The following CPED1 variants were observed in gnomAD, a reference collection of about 807,000 sequenced individuals.
The protein encoded by CPED1 is cadherin like and PC-esterase domain containing 1, also known as cadherin-like and PC-esterase domain-containing protein 1.
A neutral mutation model predicts 128.2 loss-of-function variants in CPED1; 114 were observed. The ratio of observed to expected loss-of-function variants is 0.89; its 90% CI spans 0.76 to 1.04. CPED1 has a LOEUF of 1.04. Ranked by LOEUF, CPED1 falls within the 50% of genes least tolerant of loss-of-function variation. CPED1 has a pLI of 0.00. For synonymous variants in CPED1, 462 were observed against 426.7 expected (o/e 1.08, Z -1.02); for missense variants, 1,211 against 1,207.1 (o/e 1.00, Z -0.05).
At chr7:121,081,702 T>C (rs972358386) in intron 5 of CPED1, among the ~76,000 whole-genome samples, 2 of 152,186 alleles carry the variant, frequency 1.3e-5, no homozygotes, top group Admixed American at 6.6e-5. Context: ...TAAGTGCAAC[T>C]TAGAGATTGA....
At chr7:121,104,844 C>A (rs1008979831) in intron 7 of CPED1, among the ~76,000 whole-genome samples, 1 of 152,190 alleles carries the variant, frequency 6.6e-6, no homozygotes, top group South Asian at 2.1e-4. Context: ...CTGCTATAAG[C>A]CAGCCACTCT....
chr7:121,201,923 A>G (rs143615334), intron 16 of CPED1, among the ~76,000 whole-genome samples: 12 of 152,258 alleles, frequency 7.9e-5, no homozygotes, highest in African/African-American at 2.9e-4. Context: ...TTAATGTTAG[A>G]TGAAACAAAT....
intron 16 of CPED1, among the ~76,000 whole-genome samples, chr7:121,165,635 G>T (rs1377617172): frequency 6.6e-6 from 1 of 152,028 alleles, no homozygotes; most frequent in African/African-American, 2.4e-5. Context: ...AATATTTAGA[G>T]ACCTCATCAG....
chr7:121,012,647 G>A (rs927177596), intron 2 of CPED1, among the ~76,000 whole-genome samples: 2 of 152,176 alleles, frequency 1.3e-5, no homozygotes, highest in African/African-American at 4.8e-5. Context: ...AACTGTTCTT[G>A]CCCTTTGGTA....
chr7:121,273,508 G>A lies in CPED1; in HGVS notation c.2868+2078G>A, dbSNP rs559600419. 9.7e-4 allele frequency among the ~76,000 whole-genome samples: 147 copies of A among 151,102 alleles called. 1 individual carries two copies. Among genetic ancestry groups the A allele is most frequent in the African/African-American group, 3.4e-3 (141 of 41,144 alleles). The stretch of plus-strand genomic sequence containing the variant: ...ACTGCACTCCAGCCTGGGTGACACA[G>A]CAAGACTCCATCTCAAAGAAAAAAA... On this transcript the variant is annotated intron_variant, in intron 22 of 22. Transcript: ENST00000310396.
chr7:121,121,807 A>G (rs1278358681), intron 7 of CPED1, among the ~76,000 whole-genome samples: 1 of 152,220 alleles, frequency 6.6e-6, no homozygotes, highest in African/African-American at 2.4e-5. Flanking sequence ...AAATAATTTC[A>G]GATTTGTCAT....
At chr7:120,998,203 T>C (rs1382576672) in intron 2 of CPED1, among the ~76,000 whole-genome samples, 2 of 152,204 alleles carry the variant, frequency 1.3e-5, no homozygotes, top group East Asian at 3.9e-4. Flanking sequence ...TTACGAGATT[T>C]AGTAAGCAAG....
At chr7:121,020,493 A>T (rs977144549) in intron 3 of CPED1, among the ~76,000 whole-genome samples, 12 of 151,968 alleles carry the variant, frequency 7.9e-5, no homozygotes, top group African/African-American at 2.9e-4. Flanking sequence ...TACAGAAAAA[A>T]GTTTCCTGGC....
At chr7:121,254,156 T>G (rs1181536543) in intron 18 of CPED1, among the ~76,000 whole-genome samples, 1 of 152,004 alleles carries the variant, frequency 6.6e-6, no homozygotes. Context: ...AATACATGCT[T>G]GAACATAAAG....
At chr7:121,166,633 CAA>C (rs1424030627) in intron 16 of CPED1, among the ~76,000 whole-genome samples, 1 of 152,026 alleles carries the variant, frequency 6.6e-6, no homozygotes, top group East Asian at 1.9e-4. Context: ...TGCCAGTTCC[CAA>C]AGGATATTTA....
chr7:121,179,366 A>G (rs894692630), intron 16 of CPED1, among the ~76,000 whole-genome samples: 1 of 152,092 alleles, frequency 6.6e-6, no homozygotes, highest in Non-Finnish European at 1.5e-5. Flanking sequence ...AAAGCATGTC[A>G]GGAAGTATCC....
intron 7 of CPED1, among the ~76,000 whole-genome samples, chr7:121,112,232 C>T (rs1795129466): frequency 6.6e-6 from 1 of 152,154 alleles, no homozygotes; most frequent in African/African-American, 2.4e-5. Context: ...ATCCTTACCT[C>T]CAGAACCAGT....
intron 12 of CPED1, among the ~76,000 whole-genome samples, chr7:121,132,617 T>C (rs1795698640): frequency 6.6e-6 from 1 of 152,112 alleles, no homozygotes; most frequent in African/African-American, 2.4e-5. Context: ...ATCAATGTGG[T>C]GCACCATGTG....
chr7:121,237,880 T>A (rs1009402109), intron 17 of CPED1, among the ~76,000 whole-genome samples: 3 of 152,094 alleles, frequency 2.0e-5, no homozygotes, highest in African/African-American at 7.2e-5. Context: ...AATAATAAAT[T>A]ACAGTCAGGG....
At chr7:121,101,240 G>GTT (rs1299220126) in intron 7 of CPED1, among the ~76,000 whole-genome samples, 1 of 146,480 alleles carries the variant, frequency 6.8e-6, no homozygotes, top group East Asian at 2.0e-4. Flanking sequence ...CCCTTTTTTG[G>GTT]TTTTTTTTTT....
At chr7:121,117,095 AT>A (rs1187178334) in intron 7 of CPED1, among the ~76,000 whole-genome samples, 9 of 143,940 alleles carry the variant, frequency 6.3e-5, no homozygotes, top group South Asian at 2.1e-4. Flanking sequence ...ATATATATAT[AT>A]ATAAATATAT....
At chr7:121,049,551 A>G (rs759280954) in intron 4 of CPED1, among the ~76,000 whole-genome samples, 3 of 152,238 alleles carry the variant, frequency 2.0e-5, no homozygotes, top group Non-Finnish European at 4.4e-5. Flanking sequence ...TGGGGGACAG[A>G]GCAGGTGGCA....
chr7:121,237,249 G>C (rs994891848), intron 17 of CPED1, among the ~76,000 whole-genome samples: 3 of 152,134 alleles, frequency 2.0e-5, no homozygotes, highest in Admixed American at 6.5e-5. Context: ...TGAGGGCAGA[G>C]AGCCTGACTA....
chr7:121,244,024 A>AATG (rs1368797513), intron 17 of CPED1, among the ~76,000 whole-genome samples, 178 bp from the exon 18 acceptor site: 9 of 152,242 alleles, frequency 5.9e-5, no homozygotes, highest in African/African-American at 2.2e-4. Context: ...AACATTACTT[A>AATG]ATGTTGCTAT....
Sources: gnomAD v4.1 joint callset for allele counts (sites outside exome capture counted in the v4.1 genomes callset) on GRCh38, gnomAD v4.1.1 for gene constraint, MANE v1.5 for transcripts, NCBI Gene and HGNC (gene_info 2026-07-23, HGNC 2026-07-21) for gene names.